The following MSRA variants were observed in gnomAD, a reference collection of about 807,000 sequenced individuals.
MSRA encodes methionine sulfoxide reductase A, also known as mitochondrial peptide methionine sulfoxide reductase.
In MSRA, 54 loss-of-function variants were observed where a neutral mutation model predicts 31.3. The ratio of observed to expected loss-of-function variants is 1.73; its 90% CI spans 1.39 to 2.17. The LOEUF is 2.17. MSRA is among the 30% of genes most tolerant of loss of function. MSRA has a pLI of 0.00. For synonymous variants in MSRA, 169 were observed against 116.5 expected, an observed-to-expected ratio of 1.45 and a Z score of -2.90; for missense variants, 507 against 300.9, an observed-to-expected ratio of 1.69 and a Z score of -5.07.
At chr8:10,206,620 G>A (rs1033429887) in intron 1 of MSRA, among the ~76,000 whole-genome samples, 2 of 152,116 alleles carry the variant, frequency 1.3e-5, no homozygotes, top group South Asian at 2.1e-4. Context: ...CTCTGGCCCG[G>A]GAAGATGACT....
rs754410029 is a variant in MSRA at position 10,301,613 on chromosome 8, C to T, written c.411C>T (p.Phe137=). 2 of 1,613,932 alleles carry T rather than the reference C, an allele frequency of 1.2e-6. No homozygotes were observed. Among genetic ancestry groups the T allele is most frequent in the South Asian group, 1.1e-5 (1 of 91,080 alleles). ...GTTTTGAGGAACTGCTCAAGGTCTTCTGGGAGAATCACGACCCGACCCAAG... is the reference window on the plus strand; with the variant it reads ...GTTTTGAGGAACTGCTCAAGGTCTTTTGGGAGAATCACGACCCGACCCAAG... ...HMSFEELLKV[F]WENHDPTQGM... The change falls in exon 4 of 6, where the codon TTC becomes TTT. Residue 137 remains phenylalanine (F), a synonymous_variant. Transcript: ENST00000317173.
intron 5 of MSRA, among the ~76,000 whole-genome samples, chr8:10,379,691 A>G (rs1417460792): frequency 1.3e-5 from 2 of 152,164 alleles, no homozygotes; most frequent in African/African-American, 2.4e-5. Flanking sequence ...GGGGCCACGT[A>G]CATAACACTA....
chr8:10,254,846 G>C lies in MSRA; in HGVS notation c.331+9623G>C, dbSNP rs10098809. 5.7e-3 allele frequency among the ~76,000 whole-genome samples: 868 copies of C among 152,296 alleles called. 14 individuals carry two copies. The highest frequency in any genetic ancestry group is 0.019 in the African/African-American group (796 of 41,552). On this transcript the variant is annotated intron_variant, in intron 3 of 5. Coordinates refer to ENST00000317173, the MANE Select transcript of MSRA (RefSeq NM_012331.5). ...TATGCTAGAGCTGTGCCAAAGTTTTGAAAATGGCTTATAAAAAATAATCTA... is the reference window on the plus strand; with the variant it reads ...TATGCTAGAGCTGTGCCAAAGTTTTCAAAATGGCTTATAAAAAATAATCTA...
chr8:10,059,087 G>A (rs185539934), intron 1 of MSRA: 1 of 152,312 alleles, frequency 6.6e-6, no homozygotes, highest in Admixed American at 6.5e-5. Context: ...AGGGAATGCA[G>A]CATTTGATAA....
chr8:10,334,188 ATGTGTGTGTGTG>A (rs61031081), intron 5 of MSRA, among the ~76,000 whole-genome samples: 6 of 137,006 alleles, frequency 4.4e-5, no homozygotes, highest in East Asian at 2.1e-4. Flanking sequence ...GTGTGTATTT[ATGTGTGTGTGTG>A]TGTGTGTGTG....
chr8:10,111,138 G>T (rs745335083), intron 1 of MSRA, among the ~76,000 whole-genome samples: 2 of 152,074 alleles, frequency 1.3e-5, no homozygotes, highest in Non-Finnish European at 2.9e-5. Flanking sequence ...ATCCAGGGAC[G>T]GGGTGGATCA....
chr8:10,228,930 G>C (rs1056194038), intron 2 of MSRA, among the ~76,000 whole-genome samples: 1 of 152,076 alleles, frequency 6.6e-6, no homozygotes, highest in Admixed American at 6.5e-5. Context: ...TCAGTTACTT[G>C]CTGTTTGTAG....
At chr8:10,092,395 A>T (rs181819370) in intron 1 of MSRA, among the ~76,000 whole-genome samples, 1 of 152,304 alleles carries the variant, frequency 6.6e-6, no homozygotes, top group East Asian at 1.9e-4. Context: ...ACGGTGGCTC[A>T]CGCCTGTAAT....
At chr8:10,295,196 G>A (rs1055273142) in intron 3 of MSRA, among the ~76,000 whole-genome samples, 1 of 151,988 alleles carries the variant, frequency 6.6e-6, no homozygotes, top group Non-Finnish European at 1.5e-5. Context: ...GATAAGTTCC[G>A]GGGCATTGGG....
intron 5 of MSRA, among the ~76,000 whole-genome samples, chr8:10,322,086 A>G (rs1442248360): frequency 6.6e-6 from 1 of 152,164 alleles, no homozygotes; most frequent in Non-Finnish European, 1.5e-5. Flanking sequence ...GGTGGTGGTT[A>G]CACATGCAGT....
intron 1 of MSRA, among the ~76,000 whole-genome samples, chr8:10,109,289 A>C (rs1192334222): frequency 6.6e-6 from 1 of 152,000 alleles, no homozygotes; most frequent in East Asian, 1.9e-4. Context: ...ATATTAGAGT[A>C]CTAAGATGCT....
intron 2 of MSRA, among the ~76,000 whole-genome samples, chr8:10,232,568 C>A (rs755366813): frequency 1.3e-5 from 2 of 152,300 alleles, no homozygotes; most frequent in South Asian, 4.1e-4. Flanking sequence ...CAGATCTTTA[C>A]CAGTCAGGTC....
chr8:10,380,673 G>T (rs1015385681), intron 5 of MSRA, among the ~76,000 whole-genome samples: 10 of 152,136 alleles, frequency 6.6e-5, no homozygotes, highest in Non-Finnish European at 1.3e-4. Context: ...TATGCTTGGC[G>T]CACAATAAGT....
chr8:10,389,817 G>A (rs1372095884), intron 5 of MSRA, among the ~76,000 whole-genome samples: 6 of 112,878 alleles, frequency 5.3e-5, no homozygotes, highest in South Asian at 5.9e-4. Context: ...TTTTTTAGAA[G>A]TCTCAGAAGA....
At chr8:10,189,357 A>G (rs886503751) in intron 1 of MSRA, among the ~76,000 whole-genome samples, 4 of 151,664 alleles carry the variant, frequency 2.6e-5, no homozygotes, top group African/African-American at 9.7e-5. Context: ...GCCTTTTTTG[A>G]ACTGACTAGG....
chr8:10,076,020 A>C (rs547781468), intron 1 of MSRA, among the ~76,000 whole-genome samples: 1 of 152,348 alleles, frequency 6.6e-6, no homozygotes, highest in South Asian at 2.1e-4. Flanking sequence ...AGTGAAGGGC[A>C]TGTTGGCTTG....
At chr8:10,088,199 C>T (rs191645959) in intron 1 of MSRA, among the ~76,000 whole-genome samples, 35 of 152,290 alleles carry the variant, frequency 2.3e-4, no homozygotes, top group African/African-American at 7.9e-4. Flanking sequence ...CCATCTGTAA[C>T]CACCAACTAC....
intron 3 of MSRA, among the ~76,000 whole-genome samples, chr8:10,286,743 A>G (rs1438929582): frequency 2.0e-5 from 3 of 152,214 alleles, no homozygotes; most frequent in Non-Finnish European, 4.4e-5. Context: ...GATGTCTCCT[A>G]TCATTGGCTT....
At chr8:10,361,142 A>C (rs1010567090) in intron 5 of MSRA, among the ~76,000 whole-genome samples, 2 of 152,194 alleles carry the variant, frequency 1.3e-5, no homozygotes, top group African/African-American at 4.8e-5. Context: ...CCACTGAAAC[A>C]TTTAATGAGG....
Sources: allele counts gnomAD v4.1 joint callset (sites outside exome capture counted in the v4.1 genomes callset), GRCh38; gene constraint gnomAD v4.1.1; transcripts MANE v1.5; gene names NCBI Gene and HGNC (gene_info 2026-07-23, HGNC 2026-07-21).